EIF3CL: variants seen among roughly 807,000 people sequenced by gnomAD.
The protein encoded by EIF3CL is eukaryotic translation initiation factor 3 subunit C like, also known as eukaryotic translation initiation factor 3 subunit C-like protein.
For missense variants in EIF3CL, 5 were observed against 56.1 expected, an observed-to-expected ratio of 0.09 and a Z score of 2.91; for synonymous variants, 2 against 19.6, an observed-to-expected ratio of 0.10 and a Z score of 2.37.
upstream of EIF3CL, among the ~76,000 whole-genome samples, chr16:28,408,284 G>C (rs927698928): frequency 2.5e-5 from 2 of 79,384 alleles, no homozygotes; most frequent in Non-Finnish European, 5.0e-5. Context: ...TCCTTTATGA[G>C]TGTAGTAGGC....
At chr16:28,415,873 T>A in the EIF3CL span, among the ~76,000 whole-genome samples, 2 of 96,510 alleles carry the variant, frequency 2.1e-5, no homozygotes, top group African/African-American at 3.8e-5. Flanking sequence ...TCCATCTCCG[T>A]CTCCCTCTCC....
the EIF3CL span, among the ~76,000 whole-genome samples, chr16:28,423,746 C>T: frequency 4.9e-5 from 4 of 81,690 alleles, no homozygotes; most frequent in African/African-American, 1.5e-4. Flanking sequence ...AAACACCTTA[C>T]ATTTGCACAA....
chr16:28,418,654 C>T, the EIF3CL span, among the ~76,000 whole-genome samples: 1 of 151,150 alleles, frequency 6.6e-6, no homozygotes, highest in Non-Finnish European at 1.5e-5. Flanking sequence ...TTTTTTGACA[C>T]AGTTTCGCTC....
chr16:28,411,095 G>C, the EIF3CL span, among the ~76,000 whole-genome samples: 2 of 150,936 alleles, frequency 1.3e-5, no homozygotes, highest in Non-Finnish European at 2.9e-5. Context: ...CCAGGCTGGA[G>C]TGCAATGGCG....
the EIF3CL span, among the ~76,000 whole-genome samples, chr16:28,415,872 G>A: frequency 2.3e-5 from 2 of 85,162 alleles, no homozygotes; most frequent in Admixed American, 1.6e-4. Flanking sequence ...CTCCATCTCC[G>A]TCTCCCTCTC....
chr16:28,415,818 C>T, the EIF3CL span, among the ~76,000 whole-genome samples: 3 of 73,070 alleles, frequency 4.1e-5, no homozygotes, highest in Non-Finnish European at 9.4e-5. Flanking sequence ...CTCCCTCTTC[C>T]TCTCCCTCTC....
chr16:28,415,762 G>C, the EIF3CL span, among the ~76,000 whole-genome samples: 2 of 136,606 alleles, frequency 1.5e-5, no homozygotes, highest in South Asian at 4.4e-4. Flanking sequence ...AAAAAAAAAA[G>C]TTGGAGGATT....
upstream of EIF3CL, among the ~76,000 whole-genome samples, chr16:28,406,256 TATATATATATATTCA>T: frequency 9.2e-5 from 1 of 10,854 alleles, no homozygotes; most frequent in East Asian, 2.5e-3. Context: ...TGTGTGTGTG[TATATATATATATTCA>T]ATATATGTAT....
chr16:28,416,740 G>A, the EIF3CL span, among the ~76,000 whole-genome samples: 10 of 112,572 alleles, frequency 8.9e-5, no homozygotes, highest in Middle Eastern at 4.0e-3. Context: ...CAGCCACCCC[G>A]TCCGGGAGGG....
At position 28,396,625 on chromosome 16, in the gene EIF3CL, AC is replaced by A. The variant is rs1289128866; in HGVS notation, c.776+3245del. Among the ~76,000 whole-genome samples, 253 of 78,018 alleles carry A rather than the reference AC, an allele frequency of 3.2e-3. 8 individuals carry two copies. Among genetic ancestry groups the A allele is most frequent in the African/African-American group, 8.9e-3 (241 of 26,946 alleles). The allele number at this position is 78,018 out of a possible 152,430, so 51.2% of individuals were successfully genotyped here. On this transcript the variant is annotated intron_variant, in intron 8 of 20. Coordinates refer to ENST00000380876, the MANE Select transcript of EIF3CL (RefSeq NM_001317857.2). ...GGAGCTTGCAGTGAGCCGAGATTGC[AC>A]CACTGCACTCCAGCCTGGGCGACAG...
the EIF3CL span, among the ~76,000 whole-genome samples, chr16:28,421,601 C>T: frequency 4.2e-5 from 1 of 23,756 alleles, no homozygotes; most frequent in Non-Finnish European, 9.0e-5. Context: ...GTGGATCACT[C>T]GAGGCCAGGA....
the EIF3CL span, among the ~76,000 whole-genome samples, chr16:28,415,858 C>G: frequency 9.0e-6 from 1 of 111,304 alleles, no homozygotes; most frequent in Non-Finnish European, 1.9e-5. Flanking sequence ...CTCTCCGTCT[C>G]CGTCTCCATC....
the EIF3CL span, among the ~76,000 whole-genome samples, chr16:28,424,057 G>A: frequency 6.8e-5 from 10 of 147,412 alleles, no homozygotes; most frequent in East Asian, 4.1e-4. Flanking sequence ...GTGTGATCTC[G>A]GCTCACTGCA....
intron 2 of EIF3CL, 97 bp downstream of exon 2, chr16:28,403,421 C>A (rs1010234916): frequency 6.6e-5 from 1 of 15,098 alleles, no homozygotes; most frequent in African/African-American, 2.0e-4. Context: ...CCACTCTCCC[C>A]GCCCTCACCT....
chr16:28,417,111 C>T, the EIF3CL span, among the ~76,000 whole-genome samples: 1 of 120,580 alleles, frequency 8.3e-6, no homozygotes, highest in South Asian at 2.5e-4. Flanking sequence ...AGCCCCTCTG[C>T]CCGGCCAGCC....
At chr16:28,426,159 G>A in the EIF3CL span, among the ~76,000 whole-genome samples, 1 of 91,648 alleles carries the variant, frequency 1.1e-5, no homozygotes, top group African/African-American at 4.4e-5. Context: ...AAGGGTGAGG[G>A]AGAGAGCCCA....
the EIF3CL span, among the ~76,000 whole-genome samples, chr16:28,417,163 G>T: frequency 7.0e-6 from 1 of 142,204 alleles, no homozygotes; most frequent in African/African-American, 2.7e-5. Flanking sequence ...CCCCCCGCCC[G>T]GCCAGCCGCC....
the EIF3CL span, chr16:28,414,656 C>T: frequency 6.1e-6 from 2 of 327,598 alleles, no homozygotes; most frequent in Non-Finnish European, 1.2e-5. Context: ...TGGAGAGCTT[C>T]AAGGACGAGC....
intron 15 of EIF3CL, among the ~76,000 whole-genome samples, chr16:28,387,488 G>A (rs1235260925): frequency 2.7e-5 from 4 of 150,334 alleles, no homozygotes; most frequent in African/African-American, 9.7e-5. Flanking sequence ...AACACTAGCA[G>A]GAGTGTAAAA....
Sources: gnomAD v4.1 joint callset for allele counts (sites outside exome capture counted in the v4.1 genomes callset) on GRCh38, gnomAD v4.1.1 for gene constraint, MANE v1.5 for transcripts, NCBI Gene and HGNC (gene_info 2026-07-23, HGNC 2026-07-21) for gene names.